SORCS2: variants seen among roughly 807,000 people sequenced by gnomAD.
The protein encoded by SORCS2 is sortilin related VPS10 domain containing receptor 2.
In SORCS2, 100 loss-of-function variants were observed where a neutral mutation model predicts 141.6. That is an observed-to-expected ratio of 0.71 (90% confidence interval 0.60 to 0.83). The LOEUF is 0.83. Ranked by LOEUF, SORCS2 falls within the 40% of genes least tolerant of loss-of-function variation. The probability of loss-of-function intolerance (pLI) is 0.00; values close to 1 mark genes in which losing one functional copy is unlikely to be tolerated. For synonymous variants in SORCS2, 789 were observed against 676.9 expected (o/e 1.17, Z -2.57); for missense variants, 1,646 against 1,560.2 (o/e 1.05, Z -0.93).
chr4:7,491,241 G>A (rs1310894092), intron 2 of SORCS2, among the ~76,000 whole-genome samples: 1 of 152,132 alleles, frequency 6.6e-6, no homozygotes, highest in Non-Finnish European at 1.5e-5. Flanking sequence ...TCTCACCTGA[G>A]TAACCCATGC....
chr4:7,373,541 G>T (rs12503989), intron 1 of SORCS2, among the ~76,000 whole-genome samples: 1 of 127,350 alleles, frequency 7.9e-6, no homozygotes, highest in African/African-American at 3.1e-5. Flanking sequence ...CTGGAATGCC[G>T]GAATGCAGTG....
chr4:7,388,080 A>G (rs1294815920), intron 1 of SORCS2, among the ~76,000 whole-genome samples: 1 of 148,254 alleles, frequency 6.7e-6, no homozygotes, highest in Non-Finnish European at 1.5e-5. Context: ...AGAGATACAC[A>G]CACACATGCA....
chr4:7,281,595 C>A (rs1715884349), intron 1 of SORCS2, among the ~76,000 whole-genome samples: 1 of 152,172 alleles, frequency 6.6e-6, no homozygotes, highest in South Asian at 2.1e-4. Context: ...CAGACTCACT[C>A]ATGTCATTGC....
intron 2 of SORCS2, among the ~76,000 whole-genome samples, chr4:7,475,796 G>T (rs987784846): frequency 6.6e-6 from 1 of 152,248 alleles, no homozygotes; most frequent in Non-Finnish European, 1.5e-5. Flanking sequence ...CCAGGCCTTT[G>T]GAAGACTGCA....
rs145367488 is a variant in SORCS2 at position 7,341,904 on chromosome 4, C to T, written c.481-54384C>T. On this transcript the variant is annotated intron_variant, in intron 1 of 26. Coordinates refer to ENST00000507866, the MANE Select transcript of SORCS2 (RefSeq NM_020777.3). ...GCCACCAAGCTGCTTTCTGTCTCTA[C>T]GGGTTTGCCTGTTCTAGATATTTTA... 1.4e-4 allele frequency among the ~76,000 whole-genome samples: 22 copies of T among 152,294 alleles called. No homozygotes were observed. The East Asian group carries it at 2.5e-3, about 17-fold the overall frequency.
chr4:7,659,228 C>A (rs1721995975), intron 5 of SORCS2, among the ~76,000 whole-genome samples: 2 of 149,528 alleles, frequency 1.3e-5, no homozygotes, highest in South Asian at 4.2e-4. Flanking sequence ...GGATGCGGTG[C>A]TTGGTTTGAG....
intron 3 of SORCS2, among the ~76,000 whole-genome samples, chr4:7,566,276 G>A (rs549117331): frequency 6.6e-6 from 1 of 151,766 alleles, no homozygotes; most frequent in Admixed American, 6.6e-5. Flanking sequence ...TGGTGATAGA[G>A]ATGATGATAA....
intron 3 of SORCS2, among the ~76,000 whole-genome samples, chr4:7,625,279 C>A (rs1414238904): frequency 6.6e-6 from 1 of 152,094 alleles, no homozygotes; most frequent in Non-Finnish European, 1.5e-5. Context: ...GGCTGGACGC[C>A]AGCTCCGAGT....
At chr4:7,689,051 G>A (rs368912643) in intron 10 of SORCS2, among the ~76,000 whole-genome samples, 4 of 152,210 alleles carry the variant, frequency 2.6e-5, no homozygotes, top group African/African-American at 9.6e-5. Flanking sequence ...AGCTTGGGCT[G>A]TGCAGGCTCC....
intron 3 of SORCS2, among the ~76,000 whole-genome samples, chr4:7,561,959 G>A (rs1714622082): frequency 6.6e-6 from 1 of 151,936 alleles, no homozygotes; most frequent in East Asian, 1.9e-4. Context: ...CTTAATCCAT[G>A]TATTCATTTA....
chr4:7,615,304 T>C (rs1405043403), intron 3 of SORCS2, among the ~76,000 whole-genome samples: 1 of 152,224 alleles, frequency 6.6e-6, no homozygotes, highest in Non-Finnish European at 1.5e-5. Flanking sequence ...AGTCAGGGCA[T>C]TGGACAAGTT....
chr4:7,305,054 A>G (rs1176341350), intron 1 of SORCS2, among the ~76,000 whole-genome samples: 1 of 141,886 alleles, frequency 7.0e-6, no homozygotes, highest in Non-Finnish European at 1.5e-5. Context: ...TTTTTTTGAG[A>G]CAGAGTCTGG....
At chr4:7,392,049 C>G (rs1723899607) in intron 1 of SORCS2, among the ~76,000 whole-genome samples, 1 of 152,230 alleles carries the variant, frequency 6.6e-6, no homozygotes, top group Non-Finnish European at 1.5e-5. Flanking sequence ...CAGACATTCT[C>G]AAGAATTTCA....
At position 7,723,807 on chromosome 4, in the gene SORCS2, C is replaced by T. The variant is rs370198948; in HGVS notation, c.2535C>T (p.Pro845=). The change falls in exon 19 of 27, where the codon CCC becomes CCT. Residue 845 remains proline, a synonymous_variant. Coordinates refer to ENST00000507866, the MANE Select transcript of SORCS2 (RefSeq NM_020777.3). ...CCATCCGGCACCGCTACGAGAGCCC[C>T]GGCATCTACCGCGTGTCCGTCAGGG... ...GEPIRHRYES[P]GIYRVSVRAE... The T allele has an allele frequency of 5.4e-5, 87 of 1,613,588 alleles. No homozygotes were observed. The African/African-American group carries it at 6.7e-4, about 12-fold the overall frequency.
intron 14 of SORCS2, among the ~76,000 whole-genome samples, chr4:7,708,058 C>T (rs1050945934): frequency 3.9e-5 from 6 of 152,216 alleles, no homozygotes; most frequent in African/African-American, 1.2e-4. Context: ...AGGAGGATTC[C>T]GGGAAGCAGA....
At chr4:7,684,830 C>G (rs980258911) in intron 10 of SORCS2, among the ~76,000 whole-genome samples, 1 of 152,152 alleles carries the variant, frequency 6.6e-6, no homozygotes, top group East Asian at 1.9e-4. Context: ...ACCACCACCA[C>G]CAGCCCCAGT....
At chr4:7,219,649 C>G (rs1490793635) in intron 1 of SORCS2, among the ~76,000 whole-genome samples, 1 of 152,216 alleles carries the variant, frequency 6.6e-6, no homozygotes, top group Non-Finnish European at 1.5e-5. Context: ...CTCGTGAGAA[C>G]TCACTCACTA....
chr4:7,521,673 C>A (rs553196950), intron 2 of SORCS2, among the ~76,000 whole-genome samples: 3 of 152,250 alleles, frequency 2.0e-5, no homozygotes, highest in Non-Finnish European at 4.4e-5. Flanking sequence ...TGGGAAAACA[C>A]ATCTGCAGCA....
intron 1 of SORCS2, among the ~76,000 whole-genome samples, chr4:7,296,640 G>T (rs914217369): frequency 2.0e-5 from 3 of 152,208 alleles, no homozygotes; most frequent in Admixed American, 2.0e-4. Context: ...CCAAGCCCCA[G>T]TTTTCCTCTC....
Sources: gnomAD v4.1 joint callset for allele counts (sites outside exome capture counted in the v4.1 genomes callset) on GRCh38, gnomAD v4.1.1 for gene constraint, MANE v1.5 for transcripts, NCBI Gene and HGNC (gene_info 2026-07-23, HGNC 2026-07-21) for gene names.